Variants in DOCK4 observed in about 807,000 individuals in gnomAD.
DOCK4 encodes the protein dedicator of cytokinesis 4.
DOCK4 carries 97 observed loss-of-function variants against 268.1 expected under a neutral mutation model. The ratio of observed to expected loss-of-function variants is 0.36; its 90% CI spans 0.31 to 0.43. The LOEUF (loss-of-function observed/expected upper bound fraction) is 0.43, where lower values mean the gene tolerates loss of function less well. Among genes scored for constraint, DOCK4 ranks in the 20% least tolerant of loss-of-function variants. The probability of loss-of-function intolerance (pLI) is 1.00; values close to 1 mark genes in which losing one functional copy is unlikely to be tolerated. For missense variants in DOCK4, 2,145 were observed against 2,455.7 expected (o/e 0.87, Z 2.67); for synonymous variants, 954 against 887.2 (o/e 1.08, Z -1.34).
chr7:111,934,782 G>A (rs1461561438), intron 12 of DOCK4, among the ~76,000 whole-genome samples: 10 of 149,118 alleles, frequency 6.7e-5, no homozygotes, highest in African/African-American at 1.5e-4. Flanking sequence ...CTCGTGATCC[G>A]CCCGCCTCGG....
chr7:112,117,135 C>T (rs1324097344), intron 1 of DOCK4, among the ~76,000 whole-genome samples: 1 of 152,190 alleles, frequency 6.6e-6, no homozygotes, highest in East Asian at 1.9e-4. Context: ...GTGTTGTAAG[C>T]CACACCCATT....
chr7:111,890,363 T>C (rs1407119454), intron 16 of DOCK4, among the ~76,000 whole-genome samples: 1 of 152,218 alleles, frequency 6.6e-6, no homozygotes, highest in Admixed American at 6.5e-5. Flanking sequence ...AAACTTAAGA[T>C]TAAATATGGT....
intron 8 of DOCK4, among the ~76,000 whole-genome samples, chr7:111,962,661 C>A (rs1797016177): frequency 7.0e-6 from 1 of 142,324 alleles, no homozygotes; most frequent in Admixed American, 6.8e-5. Context: ...CTTTACCTCA[C>A]CAATTGCATT....
chr7:111,928,128 T>C (rs1793885172), intron 12 of DOCK4, among the ~76,000 whole-genome samples: 2 of 152,248 alleles, frequency 1.3e-5, no homozygotes, highest in Non-Finnish European at 2.9e-5. Flanking sequence ...CACAAAGAAC[T>C]TAAATATGTT....
At chr7:111,776,427 A>G (rs983011271) in intron 36 of DOCK4, among the ~76,000 whole-genome samples, 10 of 152,234 alleles carry the variant, frequency 6.6e-5, no homozygotes, top group Non-Finnish European at 1.3e-4. Context: ...GAAAGGCTCA[A>G]TAGCTGAATG....
At chr7:111,884,628 A>G (rs975648579) in intron 16 of DOCK4, among the ~76,000 whole-genome samples, 5 of 152,202 alleles carry the variant, frequency 3.3e-5, no homozygotes, top group Admixed American at 2.6e-4. Flanking sequence ...ATAATTTCAA[A>G]TGCAATAAGC....
intron 44 of DOCK4, among the ~76,000 whole-genome samples, chr7:111,745,900 A>G (rs1015180594): frequency 3.2e-4 from 49 of 152,114 alleles, no homozygotes; most frequent in African/African-American, 1.1e-3. Flanking sequence ...ACCCAACCTC[A>G]CGTGATGGGT....
chr7:112,092,443 C>G (rs888338252), intron 1 of DOCK4, among the ~76,000 whole-genome samples: 5 of 152,082 alleles, frequency 3.3e-5, no homozygotes, highest in African/African-American at 1.2e-4. Flanking sequence ...AAAACAGCTC[C>G]CTACAGAGCT....
intron 15 of DOCK4, among the ~76,000 whole-genome samples, chr7:111,896,785 G>A (rs1562858693): frequency 6.6e-6 from 1 of 152,190 alleles, no homozygotes; most frequent in African/African-American, 2.4e-5. Flanking sequence ...GGGAAGTGGA[G>A]CCTCATGCAG....
chr7:111,900,580 A>C (rs1220312852), intron 14 of DOCK4, 44 bp from the exon 15 acceptor site: 1 of 1,573,218 alleles, frequency 6.4e-7, no homozygotes, highest in Non-Finnish European at 8.6e-7. Flanking sequence ...GCTTCATCTA[A>C]AGATCTTTTG....
chr7:111,905,621 T>C (rs758581178), intron 13 of DOCK4, among the ~76,000 whole-genome samples: 5 of 152,052 alleles, frequency 3.3e-5, no homozygotes, highest in African/African-American at 4.8e-5. Flanking sequence ...ATGATCACCA[T>C]AGCATGTAAA....
chr7:111,959,419 G>T (rs1405505844), intron 8 of DOCK4, among the ~76,000 whole-genome samples: 2 of 152,114 alleles, frequency 1.3e-5, no homozygotes, highest in Non-Finnish European at 2.9e-5. Context: ...CATGATTGAT[G>T]TTCAAAACAA....
At chr7:112,149,270 T>C (rs1815815107) in intron 1 of DOCK4, among the ~76,000 whole-genome samples, 1 of 152,138 alleles carries the variant, frequency 6.6e-6, no homozygotes, top group Non-Finnish European at 1.5e-5. Context: ...CACTTGAATA[T>C]ACCACTATTT....
intron 12 of DOCK4, among the ~76,000 whole-genome samples, chr7:111,931,189 G>A (rs2134670853): frequency 6.6e-6 from 1 of 152,290 alleles, no homozygotes; most frequent in South Asian, 2.1e-4. Flanking sequence ...ACATTTGGTT[G>A]CCTAGGAATC....
chr7:111,990,019 T>G (rs1264562852), intron 5 of DOCK4, among the ~76,000 whole-genome samples: 1 of 152,236 alleles, frequency 6.6e-6, no homozygotes, highest in Non-Finnish European at 1.5e-5. Context: ...GTTTTGCCAT[T>G]TACTGGCTGA....
chr7:112,027,808 T>C (rs1470556447), intron 1 of DOCK4, among the ~76,000 whole-genome samples: 1 of 152,222 alleles, frequency 6.6e-6, no homozygotes, highest in Non-Finnish European at 1.5e-5. Context: ...CAAACACAAT[T>C]TCCTTCAACA....
intron 27 of DOCK4, among the ~76,000 whole-genome samples, chr7:111,813,210 A>G (rs1563539775): frequency 6.6e-6 from 1 of 152,192 alleles, no homozygotes. Flanking sequence ...GTAAAGCCTC[A>G]GTTCTCTTCA....
chr7:112,181,707 A>G (rs942748479), intron 1 of DOCK4, among the ~76,000 whole-genome samples: 2 of 151,812 alleles, frequency 1.3e-5, no homozygotes, highest in Non-Finnish European at 2.9e-5. Flanking sequence ...AAAGTATGAT[A>G]CGTTCCCACT....
intron 12 of DOCK4, among the ~76,000 whole-genome samples, chr7:111,921,179 T>G (rs945701760): frequency 6.6e-6 from 1 of 152,196 alleles, no homozygotes; most frequent in African/African-American, 2.4e-5. Context: ...GCCTAGATGT[T>G]CAAGCCCAAT....
Sources: gnomAD v4.1 joint callset for allele counts (sites outside exome capture counted in the v4.1 genomes callset) on GRCh38, gnomAD v4.1.1 for gene constraint, MANE v1.5 for transcripts, NCBI Gene and HGNC (gene_info 2026-07-23, HGNC 2026-07-21) for gene names.